Variants in SHANK2 observed in about 807,000 individuals in gnomAD.
SHANK2 encodes the protein SH3 and multiple ankyrin repeat domains 2, also known as SH3 and multiple ankyrin repeat domains protein 2.
A neutral mutation model predicts 133.7 loss-of-function variants in SHANK2; 43 were observed. The observed-to-expected ratio is 0.32, with a 90% CI of 0.25 to 0.41. The LOEUF is 0.41. Ranked by LOEUF, SHANK2 falls within the 10% of genes least tolerant of loss-of-function variation. The pLI, the probability that SHANK2 is intolerant of heterozygous loss-of-function variation, is 1.00. For missense variants in SHANK2, 1,994 were observed against 2,235.8 expected, an observed-to-expected ratio of 0.89 and a Z score of 2.18; for synonymous variants, 1,017 against 952.8, an observed-to-expected ratio of 1.07 and a Z score of -1.24.
At chr11:70,805,953 T>C (rs1236998227) in intron 13 of SHANK2, among the ~76,000 whole-genome samples, 1 of 152,224 alleles carries the variant, frequency 6.6e-6, no homozygotes, top group African/African-American at 2.4e-5. Context: ...GAAATATGTG[T>C]GCAGCAGAAA....
At position 70,487,683 on chromosome 11, in the gene SHANK2, T is replaced by C; in HGVS notation, c.2610A>G (p.Pro870=). The C allele has an allele frequency of 6.3e-7, 1 of 1,578,700 alleles. No homozygotes were observed. The highest frequency in any genetic ancestry group is 8.6e-7 in the Non-Finnish European group (1 of 1,162,494). The change falls in exon 25 of 26, where the codon CCA becomes CCG. Residue 870 remains proline, a synonymous_variant. Coordinates refer to ENST00000601538, the MANE Select transcript of SHANK2 (RefSeq NM_012309.5). This position sits in a 1 kb window ranked among gnomAD's most constrained non-coding sequence, Gnocchi z 5.8. ...ACAGGCTTCTGGTGAACTTCAGCAT[T>C]GGAGGAGCCAGAAACTGCCGCTCTT... ...TEEERQFLAP[P]MLKFTRSLSM...
At chr11:71,088,975 C>T (rs1017556876) in intron 8 of SHANK2, among the ~76,000 whole-genome samples, 1 of 151,134 alleles carries the variant, frequency 6.6e-6, no homozygotes, top group African/African-American at 2.4e-5. Flanking sequence ...CCAGGGGCCT[C>T]CCCTCATCCT....
chr11:71,115,046 C>T (rs1310770255), intron 4 of SHANK2, among the ~76,000 whole-genome samples: 1 of 152,132 alleles, frequency 6.6e-6, no homozygotes, highest in Non-Finnish European at 1.5e-5. Context: ...ATAAGCAGCC[C>T]ACCATATTGT....
chr11:70,911,637 G>A (rs1329476345), intron 10 of SHANK2, among the ~76,000 whole-genome samples: 1 of 152,140 alleles, frequency 6.6e-6, no homozygotes, highest in African/African-American at 2.4e-5. Context: ...GTGATTCCAG[G>A]ACTCAGGCCA....
Position 70,486,363 on chromosome 11 carries a change from C to T in SHANK2, c.3930G>A (p.Ser1310=), listed in dbSNP as rs550763283. ...CGGTGTGCACCATCAGCAGGCCAGC[C>T]GACTTCTGCTGGGACGTGTCCATGA... ...IDIMDTSQQK[S]AGLLMVHTVD... Residue 1310 remains serine, a synonymous_variant, in exon 25 of 26, where the codon TCG becomes TCA. Transcript: ENST00000601538. This position sits in a 1 kb window ranked among gnomAD's most constrained non-coding sequence, Gnocchi z 8.0. The T allele has an allele frequency of 3.1e-6, 5 of 1,613,904 alleles. No homozygotes were observed. In the South Asian group the frequency reaches 3.3e-5, roughly 11 times the overall value.
At chr11:70,695,184 GCAGA>G (rs1267695753) in intron 15 of SHANK2, among the ~76,000 whole-genome samples, 3 of 152,180 alleles carry the variant, frequency 2.0e-5, no homozygotes, top group African/African-American at 7.2e-5. Context: ...TTGCGTTAAT[GCAGA>G]CAGAGTTCCA....
intron 8 of SHANK2, among the ~76,000 whole-genome samples, chr11:71,087,817 CAG>C (rs1276455747): frequency 1.3e-5 from 2 of 152,116 alleles, no homozygotes; most frequent in African/African-American, 4.8e-5. Flanking sequence ...TTTAGTAAGA[CAG>C]GGTTTCACCA....
intron 14 of SHANK2, among the ~76,000 whole-genome samples, chr11:70,755,556 G>C (rs1946849584): frequency 6.6e-6 from 1 of 152,212 alleles, no homozygotes; most frequent in Admixed American, 6.5e-5. Context: ...CCCAGCCCCG[G>C]CCCCGGCCTG....
chr11:70,885,409 G>A (rs545198174), intron 11 of SHANK2, among the ~76,000 whole-genome samples: 2 of 152,302 alleles, frequency 1.3e-5, no homozygotes, highest in African/African-American at 4.8e-5. Context: ...GTGCACCATG[G>A]GGGATCCGCA....
chr11:70,612,433 T>C (rs1443251614), intron 17 of SHANK2, among the ~76,000 whole-genome samples: 2 of 152,182 alleles, frequency 1.3e-5, no homozygotes, highest in African/African-American at 4.8e-5. Context: ...TCTACATACG[T>C]GTGTACACGT....
chr11:70,710,181 C>T (rs1415159594), intron 14 of SHANK2, among the ~76,000 whole-genome samples: 1 of 152,204 alleles, frequency 6.6e-6, no homozygotes, highest in Admixed American at 6.5e-5. Context: ...AAGACAGGGC[C>T]TTGACCCCTA....
At chr11:70,587,379 A>G (rs1565154739) in intron 17 of SHANK2, among the ~76,000 whole-genome samples, 1 of 152,232 alleles carries the variant, frequency 6.6e-6, no homozygotes. Context: ...ATCTGGAGAA[A>G]GGAGCCTGTC....
intron 14 of SHANK2, among the ~76,000 whole-genome samples, chr11:70,764,442 T>G (rs1281366275): frequency 7.2e-6 from 1 of 138,914 alleles, no homozygotes; most frequent in Admixed American, 7.1e-5. Context: ...CATCCACACA[T>G]GCATCTATCA....
At chr11:70,877,394 C>T (rs527241140) in intron 11 of SHANK2, among the ~76,000 whole-genome samples, 4 of 152,304 alleles carry the variant, frequency 2.6e-5, no homozygotes, top group Admixed American at 6.5e-5. Flanking sequence ...CGGCATACGT[C>T]GCCTGACTTT....
intron 14 of SHANK2, among the ~76,000 whole-genome samples, chr11:70,713,926 C>T (rs1199501091): frequency 1.3e-5 from 2 of 152,270 alleles, no homozygotes. Context: ...TGTCCAAGCT[C>T]TGGGCACTGC....
intron 2 of SHANK2, among the ~76,000 whole-genome samples, chr11:71,208,981 C>T (rs1020829163): frequency 3.3e-5 from 5 of 152,172 alleles, no homozygotes; most frequent in Admixed American, 1.3e-4. Flanking sequence ...AAGTAAGATG[C>T]ACCGTCAGCC....
At chr11:70,618,057 G>T (rs114260642) in intron 17 of SHANK2, among the ~76,000 whole-genome samples, 1 of 152,178 alleles carries the variant, frequency 6.6e-6, no homozygotes, top group Admixed American at 6.5e-5. Flanking sequence ...CAGCACTTTG[G>T]GGGGCGAGGC....
At chr11:71,106,180 G>A (rs1555097874) in intron 6 of SHANK2, among the ~76,000 whole-genome samples, 4 of 152,264 alleles carry the variant, frequency 2.6e-5, no homozygotes, top group Non-Finnish European at 4.4e-5. Flanking sequence ...AAGGGAGGCA[G>A]GGGAAGAGGA....
intron 11 of SHANK2, among the ~76,000 whole-genome samples, chr11:70,825,965 A>T (rs1314071225): frequency 1.3e-5 from 2 of 152,200 alleles, no homozygotes; most frequent in Non-Finnish European, 2.9e-5. Flanking sequence ...TGACAAACAG[A>T]GTGTGCACTT....
Sources: gnomAD v4.1 joint callset for allele counts (sites outside exome capture counted in the v4.1 genomes callset) on GRCh38, gnomAD v4.1.1 for gene constraint, Gnocchi (gnomAD v3.1) non-coding constraint, MANE v1.5 for transcripts, NCBI Gene and HGNC (gene_info 2026-07-23, HGNC 2026-07-21) for gene names.